Variants in GRIN3A observed in about 807,000 individuals in gnomAD.
GRIN3A encodes the protein glutamate ionotropic receptor NMDA type subunit 3A.
GRIN3A carries 47 observed loss-of-function variants against 92.4 expected under a neutral mutation model. The observed-to-expected ratio is 0.51, with a 90% CI of 0.40 to 0.65. The LOEUF (loss-of-function observed/expected upper bound fraction) is 0.65, where lower values mean the gene tolerates loss of function less well. Ranked by LOEUF, GRIN3A falls within the 30% of genes least tolerant of loss-of-function variation. The pLI is 0.00. For synonymous variants in GRIN3A, 527 were observed against 540.6 expected (o/e 0.97, Z 0.35); for missense variants, 1,324 against 1,393.1 (o/e 0.95, Z 0.79).
rs1237921999 is a variant in GRIN3A, at chr9:101,670,301, G to A, written c.2111C>T (p.Thr704Ile). 3.1e-6 allele frequency: 5 copies of A among 1,614,040 alleles called. No individual in the cohort carries two copies. Among genetic ancestry groups the A allele is most frequent in the South Asian group, 1.1e-5 (1 of 91,078 alleles). The change falls in exon 3 of 9, where the codon ACT (threonine) becomes ATT (isoleucine). Residue 704 changes from threonine (T) to isoleucine (I), a missense_variant. Thr to Ile is a moderately conservative substitution (Grantham distance 89). Coordinates refer to ENST00000361820, the MANE Select transcript of GRIN3A (RefSeq NM_133445.3). Reference sequence around the variant, plus strand: ...TTTACTTCTATTTCGCCCCTTGGGAGTCAAACCAAATGGACTCTTCCATTC... The same window carrying A: ...TTTACTTCTATTTCGCCCCTTGGGAATCAAACCAAATGGACTCTTCCATTC... ...LYEWKSPFGL[T>I]PKGRNRSKVF...
intron 3 of GRIN3A, among the ~76,000 whole-genome samples, chr9:101,653,509 T>C (rs1300496115): frequency 1.3e-5 from 2 of 151,972 alleles, no homozygotes; most frequent in African/African-American, 4.8e-5. Flanking sequence ...AAAAATCCTA[T>C]CATTTTTTAT....
chr9:101,571,874 T>C lies in GRIN3A; in HGVS notation c.*1300A>G, dbSNP rs75128539. The C allele has an allele frequency of 0.061, 9,235 of 152,316 alleles. 369 individuals carry two copies. The highest frequency in any genetic ancestry group is 0.097 in the Admixed American group (1,477 of 15,294). The allele number at this position is 152,316 out of a possible 1,614,324, so 9.4% of individuals were successfully genotyped here. On this transcript the variant is annotated 3_prime_UTR_variant, in exon 9 of 9. Coordinates refer to ENST00000361820, the MANE Select transcript of GRIN3A (RefSeq NM_133445.3). The stretch of plus-strand genomic sequence containing the variant: ...TGGCAATCCGCACTCTGATGAGTTC[T>C]CTACTAGATGACTCTTATCTACATT...
At chr9:101,678,745 T>C (rs1206200498) in intron 2 of GRIN3A, among the ~76,000 whole-genome samples, 1 of 152,182 alleles carries the variant, frequency 6.6e-6, no homozygotes, top group Admixed American at 6.5e-5. Flanking sequence ...TTACTATTGG[T>C]GTGTATGAGG....
At chr9:101,715,654 CAT>C (rs1245145729) in intron 1 of GRIN3A, among the ~76,000 whole-genome samples, 19 of 152,182 alleles carry the variant, frequency 1.2e-4, no homozygotes, top group African/African-American at 4.6e-4. Flanking sequence ...TGTGGAGACT[CAT>C]AAAAGTTTCA....
Position 101,570,920 on chromosome 9 carries a change from GT to G in GRIN3A, c.*2253del, listed in dbSNP as rs1827750302. 1 of 152,598 alleles carries G rather than the reference GT, an allele frequency of 6.6e-6. No homozygotes were observed. Among genetic ancestry groups the G allele is most frequent in the South Asian group, 2.1e-4 (1 of 4,826 alleles). 9.5% of individuals were successfully genotyped at this position (152,598 alleles called of 1,614,324 possible). ...AGAATATGAGCTGAGTTACAAAAAT[GT>G]CCATGTACATTAGGAGCATGGCTGT... On this transcript the variant is annotated 3_prime_UTR_variant, in exon 9 of 9. Coordinates refer to ENST00000361820, the MANE Select transcript of GRIN3A (RefSeq NM_133445.3).
At chr9:101,590,383 TATTTATTTA>T (rs1564120205) in intron 6 of GRIN3A, among the ~76,000 whole-genome samples, 2 of 141,086 alleles carry the variant, frequency 1.4e-5, no homozygotes, top group African/African-American at 5.4e-5. Context: ...TTTATTTATT[TATTTATTTA>T]TTTTTTTGAG....
At chr9:101,588,147 C>T (rs546637633) in intron 6 of GRIN3A, among the ~76,000 whole-genome samples, 15 of 152,002 alleles carry the variant, frequency 9.9e-5, no homozygotes, top group African/African-American at 3.4e-4. Context: ...TTGTGCGGTG[C>T]AATCATTTGG....
intron 3 of GRIN3A, among the ~76,000 whole-genome samples, chr9:101,654,620 T>C (rs1386566976): frequency 6.6e-6 from 1 of 151,712 alleles, no homozygotes; most frequent in African/African-American, 2.4e-5. Context: ...CTCTTTTTTT[T>C]TCCTCATTTA....
chr9:101,694,775 AG>A (rs1829663368), intron 1 of GRIN3A, among the ~76,000 whole-genome samples: 1 of 152,294 alleles, frequency 6.6e-6, no homozygotes, highest in Admixed American at 6.5e-5. Flanking sequence ...ATGGTGACTT[AG>A]GAGGGCAGTC....
At chr9:101,634,168 C>A (rs1050085346) in intron 3 of GRIN3A, among the ~76,000 whole-genome samples, 1 of 151,714 alleles carries the variant, frequency 6.6e-6, no homozygotes, top group Non-Finnish European at 1.5e-5. Flanking sequence ...CCTGTCTCTA[C>A]TAAAAATACA....
intron 6 of GRIN3A, among the ~76,000 whole-genome samples, chr9:101,588,973 T>C (rs1827985565): frequency 6.6e-6 from 1 of 151,832 alleles, no homozygotes; most frequent in African/African-American, 2.4e-5. Context: ...TGTATAGTAT[T>C]TTTTTTTCTT....
At position 101,579,195 on chromosome 9, in the gene GRIN3A, CCTGG is replaced by C; in HGVS notation, c.2928_2931del (p.Ser976ArgfsTer7). 6.2e-7 allele frequency: 1 copy of C among 1,613,722 alleles called. No individual in the cohort carries two copies. Among genetic ancestry groups the C allele is most frequent in the South Asian group, 1.1e-5 (1 of 91,078 alleles). The stretch of plus-strand genomic sequence containing the variant: ...TGGAGCAAGACACCTGTGGCACTCA[CCTGG>C]CTGGTGTGGAGCCAGTATTGCAGCT... On this transcript the variant is annotated frameshift_variant and splice_region_variant, in exon 7 of 9. Coordinates refer to ENST00000361820, the MANE Select transcript of GRIN3A (RefSeq NM_133445.3). LOFTEE classifies it high-confidence loss of function.
At chr9:101,731,048 ATCCT>A (rs1830132917) in intron 1 of GRIN3A, among the ~76,000 whole-genome samples, 1 of 152,170 alleles carries the variant, frequency 6.6e-6, no homozygotes, top group Admixed American at 6.5e-5. Flanking sequence ...CAATAAATAT[ATCCT>A]CATTTTGAAT....
chr9:101,665,060 AC>A (rs1293633795), intron 3 of GRIN3A, among the ~76,000 whole-genome samples: 16 of 148,716 alleles, frequency 1.1e-4, no homozygotes, highest in East Asian at 3.9e-4. Flanking sequence ...CCAAAAAAAA[AC>A]AGCTTAAATT....
chr9:101,600,502 A>T (rs1297433616), intron 6 of GRIN3A, among the ~76,000 whole-genome samples: 2 of 152,200 alleles, frequency 1.3e-5, no homozygotes, highest in Non-Finnish European at 2.9e-5. Flanking sequence ...AGTGTTACAG[A>T]TGAGAAGTAC....
intron 6 of GRIN3A, among the ~76,000 whole-genome samples, chr9:101,609,139 A>T (rs1828323909): frequency 1.3e-5 from 2 of 152,214 alleles, no homozygotes; most frequent in Admixed American, 6.5e-5. Flanking sequence ...ATGCTGGGGA[A>T]TGAATCATGA....
At chr9:101,721,997 A>G (rs1269519767) in intron 1 of GRIN3A, among the ~76,000 whole-genome samples, 1 of 152,234 alleles carries the variant, frequency 6.6e-6, no homozygotes, top group Non-Finnish European at 1.5e-5. Flanking sequence ...TTAATCCACA[A>G]GACCATGGGG....
intron 3 of GRIN3A, among the ~76,000 whole-genome samples, chr9:101,639,580 A>T (rs1828828950): frequency 6.6e-6 from 1 of 152,218 alleles, no homozygotes; most frequent in Non-Finnish European, 1.5e-5. Context: ...GGCTGATGAA[A>T]TGCAAATGAA....
intron 1 of GRIN3A, among the ~76,000 whole-genome samples, chr9:101,724,271 G>A (rs1830054849): frequency 6.6e-6 from 1 of 152,232 alleles, no homozygotes; most frequent in Non-Finnish European, 1.5e-5. Flanking sequence ...CAGGAAGGCA[G>A]CTAAGGCCCG....
Sources: allele counts gnomAD v4.1 joint callset (sites outside exome capture counted in the v4.1 genomes callset), GRCh38; gene constraint gnomAD v4.1.1; transcripts MANE v1.5; gene names NCBI Gene and HGNC (gene_info 2026-07-23, HGNC 2026-07-21).